DCDC1: variants seen among roughly 807,000 people sequenced by gnomAD.
The protein encoded by DCDC1 is doublecortin domain-containing protein 1.
A neutral mutation model predicts 178.3 loss-of-function variants in DCDC1; 200 were observed. The observed-to-expected ratio is 1.12, with a 90% CI of 1.00 to 1.26. The LOEUF (loss-of-function observed/expected upper bound fraction) is 1.26, where lower values mean the gene tolerates loss of function less well. Among genes scored for constraint, DCDC1 ranks in the 50% most tolerant of loss-of-function variants. DCDC1 has a pLI of 0.00. For missense variants in DCDC1, 1,983 were observed against 1,749.2 expected, an observed-to-expected ratio of 1.13 and a Z score of -2.38; for synonymous variants, 690 against 604.8, an observed-to-expected ratio of 1.14 and a Z score of -2.07.
intron 9 of DCDC1, among the ~76,000 whole-genome samples, chr11:31,169,781 G>A (rs1025129882): frequency 1.3e-5 from 2 of 152,182 alleles, no homozygotes; most frequent in Non-Finnish European, 2.9e-5. Context: ...TGTCATAAGA[G>A]AAATGTACAC....
intron 9 of DCDC1, among the ~76,000 whole-genome samples, chr11:31,220,297 G>A (rs988191455): frequency 1.1e-4 from 17 of 152,020 alleles, no homozygotes; most frequent in African/African-American, 3.9e-4. Context: ...ATGAAAATAC[G>A]CAGCTTCATA....
chr11:30,905,302 T>C, intron 30 of DCDC1, 138 bp from the exon 31 acceptor site: 3 of 919,866 alleles, frequency 3.3e-6, no homozygotes, highest in Non-Finnish European at 4.8e-6. Context: ...TTTATAGATA[T>C]TGAATACTAG....
At chr11:30,927,345 C>T (rs1442267455) in intron 22 of DCDC1, among the ~76,000 whole-genome samples, 1 of 150,966 alleles carries the variant, frequency 6.6e-6, no homozygotes, top group Non-Finnish European at 1.5e-5. Context: ...GTTGGGAGTT[C>T]CTTGAGAGCA....
At chr11:31,192,194 G>A (rs547390464) in intron 9 of DCDC1, among the ~76,000 whole-genome samples, 21 of 151,956 alleles carry the variant, frequency 1.4e-4, no homozygotes, top group Non-Finnish European at 1.6e-4. Flanking sequence ...TTGCCATAGC[G>A]TTCTAACTGT....
intron 20 of DCDC1, among the ~76,000 whole-genome samples, chr11:31,001,611 A>G (rs1951584487): frequency 6.6e-6 from 1 of 152,210 alleles, no homozygotes; most frequent in Admixed American, 6.5e-5. Flanking sequence ...ACAAGGCAGC[A>G]TATACTACAC....
chr11:30,878,078 T>C lies in DCDC1; in HGVS notation c.*40+466A>G, dbSNP rs1168786217. 2.6e-5 allele frequency among the ~76,000 whole-genome samples: 4 copies of C among 152,308 alleles called. No homozygotes were observed. In the East Asian group the frequency reaches 7.7e-4, roughly 29 times the overall value. ...AAGATAGTTATTTTGCTGGCATTAT[T>C]TTGTCTAGTTTTGTTGCCTTTCCAG... On this transcript the variant is annotated intron_variant, in intron 38 of 38. Transcript: ENST00000684477.
At chr11:30,954,980 T>C (rs1269372830) in intron 20 of DCDC1, among the ~76,000 whole-genome samples, 3 of 152,224 alleles carry the variant, frequency 2.0e-5, no homozygotes, top group Non-Finnish European at 4.4e-5. Flanking sequence ...AGTTCATTAA[T>C]TCAGACAACA....
intron 9 of DCDC1, among the ~76,000 whole-genome samples, chr11:31,234,809 A>G (rs1976255064): frequency 6.6e-6 from 1 of 152,194 alleles, no homozygotes; most frequent in Non-Finnish European, 1.5e-5. Flanking sequence ...CTGAAGACTC[A>G]GCATGATTGT....
At chr11:30,907,892 T>C (rs917474104) in intron 29 of DCDC1, among the ~76,000 whole-genome samples, 2 of 152,160 alleles carry the variant, frequency 1.3e-5, no homozygotes, top group East Asian at 3.8e-4. Flanking sequence ...GTGACATCAA[T>C]AGAAAGAATT....
intron 6 of DCDC1, among the ~76,000 whole-genome samples, chr11:31,296,789 C>CA (rs1235150475): frequency 6.6e-6 from 1 of 152,046 alleles, no homozygotes; most frequent in African/African-American, 2.4e-5. Context: ...AGCAAAGAGG[C>CA]AAAAAGCCCC....
intron 11 of DCDC1, among the ~76,000 whole-genome samples, chr11:31,112,537 T>A (rs150673928): frequency 3.0e-4 from 45 of 152,212 alleles, no homozygotes; most frequent in African/African-American, 9.4e-4. Context: ...ATTCTCACCC[T>A]TGGAGTGGGA....
intron 10 of DCDC1, among the ~76,000 whole-genome samples, chr11:31,128,037 C>G (rs1359013998): frequency 2.6e-5 from 4 of 151,932 alleles, no homozygotes; most frequent in Admixed American, 1.3e-4. Context: ...CTACATGTAT[C>G]TTCCTTTTTA....
At chr11:31,071,484 A>T (rs1956557153) in intron 18 of DCDC1, among the ~76,000 whole-genome samples, 1 of 151,944 alleles carries the variant, frequency 6.6e-6, no homozygotes, top group Admixed American at 6.6e-5. Flanking sequence ...ATATTGTGCC[A>T]CTCTCTTTGA....
At chr11:31,283,185 G>T (rs1014127799) in intron 7 of DCDC1, among the ~76,000 whole-genome samples, 2 of 152,090 alleles carry the variant, frequency 1.3e-5, no homozygotes, top group African/African-American at 4.8e-5. Context: ...AGTCTTTCTA[G>T]GGCTCCAATT....
chr11:30,947,964 C>G (rs1948157974), intron 21 of DCDC1, among the ~76,000 whole-genome samples: 1 of 152,114 alleles, frequency 6.6e-6, no homozygotes, highest in Non-Finnish European at 1.5e-5. Context: ...CCCTCTCTCA[C>G]CACTCCTATT....
chr11:30,930,393 T>G (rs924192730), intron 22 of DCDC1, among the ~76,000 whole-genome samples: 1 of 152,134 alleles, frequency 6.6e-6, no homozygotes, highest in African/African-American at 2.4e-5. Context: ...TATAGAACAC[T>G]TTCTGAATCA....
At chr11:31,163,185 G>A (rs1966462506) in intron 9 of DCDC1, among the ~76,000 whole-genome samples, 1 of 152,064 alleles carries the variant, frequency 6.6e-6, no homozygotes, top group Admixed American at 6.6e-5. Context: ...GCACAGTTCA[G>A]GAACCAAACT....
rs1460381088 is a variant in DCDC1 at position 31,071,410 on chromosome 11, TG to T, written c.2299-6258del. On this transcript the variant is annotated intron_variant, in intron 18 of 38. Transcript: ENST00000684477. ...GGTAAGTTGCTGTAAGTGAAATTTC[TG>T]AGTCATAAGGAATATGCATTTTTTA... Among the ~76,000 whole-genome samples the T allele has an allele frequency of 8.5e-5, 13 of 152,316 alleles. No homozygotes were observed. In the East Asian group the frequency reaches 2.5e-3, roughly 29 times the overall value.
At chr11:30,952,374 CAGG>C in intron 21 of DCDC1, 68 bp downstream of exon 21, 1 of 1,358,718 alleles carries the variant, frequency 7.4e-7, no homozygotes, top group East Asian at 2.4e-5. Context: ...TGGAAGTTGT[CAGG>C]AATTTGACCA....
Sources: gnomAD v4.1 joint callset for allele counts (sites outside exome capture counted in the v4.1 genomes callset) on GRCh38, gnomAD v4.1.1 for gene constraint, MANE v1.5 for transcripts, NCBI Gene and HGNC (gene_info 2026-07-23, HGNC 2026-07-21) for gene names.